The following GATAD2A variants were observed in gnomAD, a reference collection of about 807,000 sequenced individuals.
GATAD2A encodes the protein GATA zinc finger domain containing 2A, also known as transcriptional repressor p66-alpha.
GATAD2A carries 12 observed loss-of-function variants against 68.5 expected under a neutral mutation model. The ratio of observed to expected loss-of-function variants is 0.18; its 90% CI spans 0.11 to 0.28. GATAD2A has a LOEUF of 0.28. Ranked by LOEUF, GATAD2A falls within the 10% of genes least tolerant of loss-of-function variation. The pLI, the probability that GATAD2A is intolerant of heterozygous loss-of-function variation, is 1.00. For synonymous variants in GATAD2A, 410 were observed against 375.3 expected, an observed-to-expected ratio of 1.09 and a Z score of -1.07; for missense variants, 755 against 868.5, an observed-to-expected ratio of 0.87 and a Z score of 1.64.
chr19:19,395,008 G>A (rs993180279), intron 1 of GATAD2A, among the ~76,000 whole-genome samples: 5 of 152,142 alleles, frequency 3.3e-5, no homozygotes, highest in Non-Finnish European at 4.4e-5. Context: ...GGCCCAGGCC[G>A]GAAGTGGGCG....
chr19:19,496,254 T>C, intron 7 of GATAD2A, 35 bp downstream of exon 7: 1 of 1,591,976 alleles, frequency 6.3e-7, no homozygotes, highest in Non-Finnish European at 8.6e-7. Flanking sequence ...AGGGAGAGTG[T>C]GTGTCCCACC....
intron 2 of GATAD2A, chr19:19,474,028 C>T (rs1164108602): frequency 3.0e-6 from 3 of 984,868 alleles, no homozygotes; most frequent in South Asian, 4.7e-5. Flanking sequence ...ATTGCTTCTT[C>T]CTAGACATCC....
At chr19:19,469,432 A>C (rs1568314027) in intron 2 of GATAD2A, among the ~76,000 whole-genome samples, 1 of 64,450 alleles carries the variant, frequency 1.6e-5, no homozygotes, top group East Asian at 3.2e-4. Context: ...ACTCCATCTC[A>C]AAAAAAAAGA....
chr19:19,495,722 C>A, intron 5 of GATAD2A, 32 bp from the exon 6 acceptor site: 1 of 1,579,132 alleles, frequency 6.3e-7, no homozygotes, highest in South Asian at 1.1e-5. Context: ...GGGTCCGGTC[C>A]ATGTAAATCT....
At chr19:19,497,039 T>C (rs1349112955) in intron 7 of GATAD2A, among the ~76,000 whole-genome samples, 1 of 152,240 alleles carries the variant, frequency 6.6e-6, no homozygotes, top group African/African-American at 2.4e-5. Flanking sequence ...TGACTTTTTT[T>C]CTTTTTTGGA....
intron 1 of GATAD2A, among the ~76,000 whole-genome samples, chr19:19,460,774 C>T (rs983635312): frequency 2.0e-5 from 3 of 152,196 alleles, no homozygotes; most frequent in Non-Finnish European, 2.9e-5. Flanking sequence ...TGTAGCTGCA[C>T]CATAGGAACC....
chr19:19,460,230 C>T (rs979276385), intron 1 of GATAD2A, among the ~76,000 whole-genome samples: 3 of 152,234 alleles, frequency 2.0e-5, no homozygotes, highest in Admixed American at 6.5e-5. Context: ...CTTCCTCGGG[C>T]TATGCTGCCG....
In GATAD2A at chr19:19,483,916, C is replaced by G. The variant is rs140026092; in HGVS notation, c.270-8390C>G. ...GTGCTGGAATTACAGGTGTTAGCCA[C>G]CACACCCGGCCTAGTTCCTCAGTTT... On this transcript the variant is annotated intron_variant, in intron 2 of 11. Coordinates refer to ENST00000683918, the MANE Select transcript of GATAD2A (RefSeq NM_001384528.1). Among the ~76,000 whole-genome samples, 289 of 152,020 alleles carry G rather than the reference C, an allele frequency of 1.9e-3. 1 individual carries two copies. The highest frequency in any genetic ancestry group is 6.6e-3 in the African/African-American group (273 of 41,430).
At chr19:19,463,516 GGGGGTGGACAGGGTGGCCGGGGGCA>G (rs2057628567) in intron 1 of GATAD2A, among the ~76,000 whole-genome samples, 1 of 152,156 alleles carries the variant, frequency 6.6e-6, no homozygotes, top group Non-Finnish European at 1.5e-5. Context: ...GAGCGGGGGC[GGGGGTGGACAGGGTGGCCGGGGGCA>G]GCGGAGGCCG....
At position 19,495,842 on chromosome 19, in the gene GATAD2A, C is replaced by G. The variant is rs770792058; in HGVS notation, c.713C>G (p.Ala238Gly). 12 of 1,613,064 alleles carry G rather than the reference C, an allele frequency of 7.4e-6. No individual in the cohort carries two copies. In the Admixed American group the frequency reaches 1.8e-4, roughly 25 times the overall value. ...QQASSKLGPQ[A>G]SSQVVMPPLV... is the part of the protein sequence containing the mutation. ...GCGTCCTCGAAGCTGGGGCCACAGGCGAGCTCACAGGTCGTCATGCCCCCA... is the reference window on the plus strand; with the variant it reads ...GCGTCCTCGAAGCTGGGGCCACAGGGGAGCTCACAGGTCGTCATGCCCCCA... The change falls in exon 6 of 12, where the codon GCG becomes GGG. Residue 238 changes from alanine to glycine, a missense_variant. Transcript: ENST00000683918.
chr19:19,387,326 CTTT>C (rs951795732), intron 1 of GATAD2A, among the ~76,000 whole-genome samples: 1 of 144,392 alleles, frequency 6.9e-6, no homozygotes, highest in Non-Finnish European at 1.5e-5. Flanking sequence ...GTCCCCCTTT[CTTT>C]TTTTTTTTGA....
At chr19:19,501,788 C>T (rs1354840592) in intron 9 of GATAD2A, among the ~76,000 whole-genome samples, 181 bp from the exon 10 acceptor site, 1 of 152,196 alleles carries the variant, frequency 6.6e-6, no homozygotes, top group African/African-American at 2.4e-5. Context: ...CTCGAAGCTC[C>T]CTTTTGGCAA....
rs1210835581 is a variant in GATAD2A, at chr19:19,506,710, A to G, written c.*1236A>G. 6.7e-6 allele frequency: 1 copy of G among 149,792 alleles called. No homozygotes were observed. Among genetic ancestry groups the G allele is most frequent in the Non-Finnish European group, 1.5e-5 (1 of 67,498 alleles). 9.3% of individuals were successfully genotyped at this position (149,792 alleles called of 1,614,324 possible). A position where few individuals can be genotyped will look rare whatever the true frequency, so the allele number is the denominator to read the frequency against. The stretch of plus-strand genomic sequence containing the variant: ...TTCATTTTTGTTTCTTTCCCGTCCC[A>G]CTCTTTAAAAACTGGTTCCGTGAGG... On this transcript the variant is annotated 3_prime_UTR_variant, in exon 12 of 12. Coordinates refer to ENST00000683918, the MANE Select transcript of GATAD2A (RefSeq NM_001384528.1).
At chr19:19,394,098 G>C (rs2049044886) in intron 1 of GATAD2A, among the ~76,000 whole-genome samples, 1 of 151,954 alleles carries the variant, frequency 6.6e-6, no homozygotes, top group African/African-American at 2.4e-5. Context: ...ATGTTGCCCA[G>C]GGTGGTCTCG....
intron 2 of GATAD2A, among the ~76,000 whole-genome samples, chr19:19,469,224 G>C (rs1456146548): frequency 6.6e-6 from 1 of 152,082 alleles, no homozygotes; most frequent in Non-Finnish European, 1.5e-5. Flanking sequence ...AAGGTCAGGA[G>C]ACCAAGACCA....
At chr19:19,492,522 G>A in intron 3 of GATAD2A, 59 bp from the exon 4 acceptor site, 1 of 1,611,200 alleles carries the variant, frequency 6.2e-7, no homozygotes, top group Non-Finnish European at 8.5e-7. Context: ...AGTGATGGCA[G>A]GGCCTCTGCT....
At chr19:19,465,718 G>T in intron 2 of GATAD2A, 104 bp downstream of exon 2, 1 of 1,353,192 alleles carries the variant, frequency 7.4e-7, no homozygotes, top group East Asian at 2.5e-5. Context: ...CAGCTTGGCG[G>T]GGTTGTGGAG....
chr19:19,431,817 G>A (rs1003626636), intron 1 of GATAD2A, among the ~76,000 whole-genome samples: 1 of 152,072 alleles, frequency 6.6e-6, no homozygotes, highest in African/African-American at 2.4e-5. Context: ...TTATTGCTGG[G>A]TGAGAAAGTT....
chr19:19,422,521 C>T (rs1054592842), intron 1 of GATAD2A, among the ~76,000 whole-genome samples: 1 of 152,182 alleles, frequency 6.6e-6, no homozygotes, highest in Admixed American at 6.5e-5. Flanking sequence ...TTGCTTCCTC[C>T]ATCTTGGCCT....
Sources: allele counts gnomAD v4.1 joint callset (sites outside exome capture counted in the v4.1 genomes callset), GRCh38; gene constraint gnomAD v4.1.1; transcripts MANE v1.5; gene names NCBI Gene and HGNC (gene_info 2026-07-23, HGNC 2026-07-21).